The following EMILIN2 variants were observed in gnomAD, a reference collection of about 807,000 sequenced individuals.
The protein encoded by EMILIN2 is EMILIN-2.
A neutral mutation model predicts 87.1 loss-of-function variants in EMILIN2; 71 were observed. That is an observed-to-expected ratio of 0.82 (90% CI 0.67 to 0.99). The LOEUF (loss-of-function observed/expected upper bound fraction) is 0.99. EMILIN2 is among the 50% of genes least tolerant of loss of function. EMILIN2 has a pLI of 0.00. For synonymous variants in EMILIN2, 581 were observed against 563.4 expected (o/e 1.03, Z -0.44); for missense variants, 1,407 against 1,371.8 (o/e 1.03, Z -0.40).
At chr18:2,903,401 C>T (rs2076896867) in intron 4 of EMILIN2, among the ~76,000 whole-genome samples, 1 of 152,102 alleles carries the variant, frequency 6.6e-6, no homozygotes, top group Admixed American at 6.5e-5. Flanking sequence ...ATAATGAAAA[C>T]CAGCTCCCCT....
At chr18:2,879,032 T>C (rs1443103773) in intron 2 of EMILIN2, among the ~76,000 whole-genome samples, 1 of 152,136 alleles carries the variant, frequency 6.6e-6, no homozygotes, top group Non-Finnish European at 1.5e-5. Context: ...GTGGAGCAGC[T>C]GGCGAGATGG....
chr18:2,877,473 A>G (rs1363609153), intron 2 of EMILIN2, among the ~76,000 whole-genome samples: 2 of 146,854 alleles, frequency 1.4e-5, no homozygotes, highest in South Asian at 4.2e-4. Context: ...AACATTTGTC[A>G]TAAGTAGTTT....
At position 2,884,257 on chromosome 18, in the gene EMILIN2, C is replaced by A. The variant is rs560094744; in HGVS notation, c.258-707C>A. Among the ~76,000 whole-genome samples, 35 of 149,308 alleles carry A rather than the reference C, an allele frequency of 2.3e-4. No individual in the cohort carries two copies. In the South Asian group the frequency reaches 4.3e-3, roughly 18 times the overall value. On this transcript the variant is annotated intron_variant, in intron 2 of 7. Transcript: ENST00000254528. ...AGGCGTGAGCCACCGCGCCCAGCCT[C>A]TTTTTCTTTTTTTTGAGACAGTCTC...
At chr18:2,871,948 G>A (rs981262926) in intron 2 of EMILIN2, among the ~76,000 whole-genome samples, 3 of 151,988 alleles carry the variant, frequency 2.0e-5, no homozygotes, top group Non-Finnish European at 4.4e-5. Context: ...CAATGTCTGG[G>A]GGGCAAAAGA....
intron 2 of EMILIN2, among the ~76,000 whole-genome samples, chr18:2,875,642 C>T (rs1039513817): frequency 2.0e-5 from 3 of 150,224 alleles, no homozygotes; most frequent in African/African-American, 7.4e-5. Context: ...TTTTGTGATG[C>T]GTCTCCCACA....
chr18:2,870,229 T>C (rs959800695), intron 2 of EMILIN2, among the ~76,000 whole-genome samples: 4 of 152,194 alleles, frequency 2.6e-5, no homozygotes, highest in African/African-American at 9.6e-5. Context: ...TGACAGACCC[T>C]GTCTCAAAAG....
upstream of EMILIN2, chr18:2,846,709 C>G (rs1412179650): frequency 2.0e-6 from 2 of 978,176 alleles, no homozygotes; most frequent in Non-Finnish European, 2.4e-6. The surrounding 1 kb of genome is among the most constrained non-coding windows in gnomAD (Gnocchi z 5.3). Context: ...CGACGGCGGC[C>G]GCGTCCCGGG....
chr18:2,851,014 G>T lies in EMILIN2; in HGVS notation c.257+3083G>T, dbSNP rs75397622. 3.5e-3 allele frequency among the ~76,000 whole-genome samples: 537 copies of T among 151,464 alleles called. 3 individuals carry two copies. The highest frequency in any genetic ancestry group is 0.013 in the African/African-American group (519 of 41,216). The stretch of plus-strand genomic sequence containing the variant: ...CAGTGGGGTGCAGGCATTGTAATTT[G>T]TGTGAGATTGAGGGAGTGAGTCATG... On this transcript the variant is annotated intron_variant, in intron 2 of 7. Coordinates refer to ENST00000254528, the MANE Select transcript of EMILIN2 (RefSeq NM_032048.3).
rs559136331 is a variant in EMILIN2, at chr18:2,848,091, G to A, written c.257+160G>A. Reference sequence around the variant, plus strand: ...GCGCTCCGAGCGCTCGCGGGGCACCGGCCACGCTGGGCTATTTAGGGAGTG... The same window carrying A: ...GCGCTCCGAGCGCTCGCGGGGCACCAGCCACGCTGGGCTATTTAGGGAGTG... On this transcript the variant is annotated intron_variant, in intron 2 of 7. Transcript: ENST00000254528. This position sits in a 1 kb window ranked among gnomAD's most constrained non-coding sequence, Gnocchi z 4.1. Among the ~76,000 whole-genome samples, 4 of 152,198 alleles carry A rather than the reference G, an allele frequency of 2.6e-5. No homozygotes were observed. The highest frequency in any genetic ancestry group is 5.9e-5 in the Non-Finnish European group (4 of 68,036).
chr18:2,878,617 G>A (rs1436066057), intron 2 of EMILIN2, among the ~76,000 whole-genome samples: 1 of 152,182 alleles, frequency 6.6e-6, no homozygotes, highest in African/African-American at 2.4e-5. Context: ...CGGATTCCGG[G>A]TAACCCAACC....
chr18:2,885,383 A>G (rs1167334588), intron 3 of EMILIN2, among the ~76,000 whole-genome samples: 1 of 152,228 alleles, frequency 6.6e-6, no homozygotes, highest in East Asian at 1.9e-4. Context: ...TGCCTTAAAC[A>G]TCAGGGTAGG....
chr18:2,875,548 G>C (rs559429246), intron 2 of EMILIN2, among the ~76,000 whole-genome samples: 1 of 152,264 alleles, frequency 6.6e-6, no homozygotes, highest in Admixed American at 6.5e-5. Flanking sequence ...AGTCTTCGAT[G>C]GTTCAGCCAT....
chr18:2,911,822 A>G (rs2076942155), intron 7 of EMILIN2, among the ~76,000 whole-genome samples: 1 of 152,184 alleles, frequency 6.6e-6, no homozygotes, highest in South Asian at 2.1e-4. Flanking sequence ...ATTCTGGGTG[A>G]ACTGAGTGAG....
intron 4 of EMILIN2, among the ~76,000 whole-genome samples, chr18:2,893,665 C>T (rs58618568): frequency 2.5e-3 from 385 of 152,242 alleles, no homozygotes; most frequent in Non-Finnish European, 3.8e-3. Flanking sequence ...CCTCTCTAGT[C>T]GGAGTCTGGG....
At chr18:2,855,387 C>A (rs529652649) in intron 2 of EMILIN2, among the ~76,000 whole-genome samples, 125 of 152,354 alleles carry the variant, frequency 8.2e-4, no homozygotes, top group Non-Finnish European at 3.4e-4. Context: ...AAAAGAACTT[C>A]ATGCTGAGGG....
At chr18:2,908,787 G>A (rs1173814661) in intron 5 of EMILIN2, among the ~76,000 whole-genome samples, 156 bp from the exon 6 acceptor site, 2 of 152,210 alleles carry the variant, frequency 1.3e-5, no homozygotes, top group African/African-American at 4.8e-5. Context: ...CTGCTTGAAG[G>A]AGGGCAGTGA....
rs150234211 is a variant in EMILIN2 at position 2,856,929 on chromosome 18, A to G, written c.257+8998A>G. Among the ~76,000 whole-genome samples the G allele has an allele frequency of 2.9e-3, 444 of 152,294 alleles. 2 individuals are homozygous for G. Among genetic ancestry groups the G allele is most frequent in the Non-Finnish European group, 5.0e-3 (343 of 68,008 alleles). ...AATAATGAAATGACTAAAACTAAAC[A>G]TGCCAGTAAGTTTTCTTCTTTCCTT... is the stretch of plus-strand genomic sequence containing the variant. On this transcript the variant is annotated intron_variant, in intron 2 of 7. Coordinates refer to ENST00000254528, the MANE Select transcript of EMILIN2 (RefSeq NM_032048.3).
chr18:2,847,932 G>C lies in EMILIN2; in HGVS notation c.257+1G>C. On this transcript the variant is annotated splice_donor_variant, in intron 2 of 7. Transcript: ENST00000254528. LOFTEE classifies it high-confidence loss of function. This position sits in a 1 kb window ranked among gnomAD's most constrained non-coding sequence, Gnocchi z 4.5. ...AGATGCCCTGTCCGTCGGCGCTGGT[G>C]TAAGTCCTGGAGCCGGGGAGCGGGC... is the stretch of plus-strand genomic sequence containing the variant. The C allele has an allele frequency of 6.3e-7, 1 of 1,577,740 alleles. No individual in the cohort carries two copies.
intron 2 of EMILIN2, among the ~76,000 whole-genome samples, chr18:2,856,646 C>T (rs1461875872): frequency 6.6e-6 from 1 of 152,172 alleles, no homozygotes; most frequent in African/African-American, 2.4e-5. Context: ...GCGGGGAAAC[C>T]GTACCAGTGG....
Sources: allele counts gnomAD v4.1 joint callset (sites outside exome capture counted in the v4.1 genomes callset), GRCh38; gene constraint gnomAD v4.1.1; non-coding constraint Gnocchi (gnomAD v3.1); transcripts MANE v1.5; gene names NCBI Gene and HGNC (gene_info 2026-07-23, HGNC 2026-07-21).